SGCZ: variants seen among roughly 807,000 people sequenced by gnomAD.
The protein encoded by SGCZ is zeta-sarcoglycan.
In SGCZ, 40 loss-of-function variants were observed where a neutral mutation model predicts 41.3. The observed-to-expected ratio is 0.97, with a 90% CI of 0.75 to 1.26. The LOEUF (loss-of-function observed/expected upper bound fraction) is 1.26. SGCZ is among the 50% of genes most tolerant of loss of function. SGCZ has a pLI of 0.00. For synonymous variants in SGCZ, 206 were observed against 137.5 expected (o/e 1.50, Z -3.49); for missense variants, 552 against 369.8 (o/e 1.49, Z -4.04).
chr8:14,819,940 G>C (rs1419532609), intron 1 of SGCZ, among the ~76,000 whole-genome samples: 1 of 152,044 alleles, frequency 6.6e-6, no homozygotes, highest in African/African-American at 2.4e-5. Context: ...AACAGCCACA[G>C]AGTAAGAAAG....
At chr8:15,103,496 A>G (rs948488719) in intron 1 of SGCZ, among the ~76,000 whole-genome samples, 21 of 152,134 alleles carry the variant, frequency 1.4e-4, no homozygotes. Context: ...AAACAAATGG[A>G]AATAAAAAGA....
chr8:15,146,422 G>A (rs758998856), intron 1 of SGCZ, among the ~76,000 whole-genome samples: 8 of 152,140 alleles, frequency 5.3e-5, no homozygotes, highest in Non-Finnish European at 1.2e-4. Context: ...TTGGAGTGCA[G>A]TGGCTAACAG....
At chr8:14,359,297 C>T (rs1803417266) in intron 2 of SGCZ, among the ~76,000 whole-genome samples, 1 of 152,134 alleles carries the variant, frequency 6.6e-6, no homozygotes, top group Non-Finnish European at 1.5e-5. Flanking sequence ...CTTCAACACC[C>T]TGTGTTCACA....
intron 1 of SGCZ, among the ~76,000 whole-genome samples, chr8:14,977,870 A>G (rs1053212803): frequency 1.0e-4 from 14 of 138,448 alleles, no homozygotes; most frequent in Non-Finnish European, 1.5e-5. Context: ...TTTAAAATCA[A>G]GAACAATTTT....
At chr8:14,107,485 T>C (rs918626543) in intron 6 of SGCZ, among the ~76,000 whole-genome samples, 8 of 152,196 alleles carry the variant, frequency 5.3e-5, no homozygotes, top group African/African-American at 1.9e-4. Context: ...TCTGCCTTTG[T>C]CTGATTTGCT....
intron 1 of SGCZ, among the ~76,000 whole-genome samples, chr8:14,894,398 G>A (rs576907678): frequency 6.6e-6 from 1 of 152,198 alleles, no homozygotes; most frequent in South Asian, 2.1e-4. Context: ...TGTCAATGGT[G>A]CAAAGTGAAA....
intron 1 of SGCZ, among the ~76,000 whole-genome samples, chr8:14,850,749 G>A (rs916801495): frequency 2.0e-5 from 3 of 152,176 alleles, no homozygotes; most frequent in African/African-American, 2.4e-5. Context: ...GAATCATGGC[G>A]GCAGTTTCCC....
chr8:15,186,917 T>C (rs1800365635), intron 1 of SGCZ, among the ~76,000 whole-genome samples: 1 of 152,174 alleles, frequency 6.6e-6, no homozygotes, highest in Non-Finnish European at 1.5e-5. Flanking sequence ...GCAATGCCTC[T>C]GAATGCGTTT....
intron 3 of SGCZ, among the ~76,000 whole-genome samples, chr8:14,252,843 A>AT (rs1203370430): frequency 7.9e-5 from 12 of 151,918 alleles, no homozygotes; most frequent in Admixed American, 2.0e-4. Context: ...ATTTTCTACT[A>AT]TTTTTTCAAC....
At chr8:14,321,327 A>G (rs1801912293) in intron 3 of SGCZ, among the ~76,000 whole-genome samples, 1 of 152,032 alleles carries the variant, frequency 6.6e-6, no homozygotes, top group Non-Finnish European at 1.5e-5. Flanking sequence ...AAGCCTGAAG[A>G]AGGGTGTGAA....
At chr8:15,178,577 C>A (rs1285707959) in intron 1 of SGCZ, among the ~76,000 whole-genome samples, 3 of 152,174 alleles carry the variant, frequency 2.0e-5, no homozygotes, top group Non-Finnish European at 4.4e-5. Context: ...GTTGCTAACT[C>A]AGATGCAATG....
intron 4 of SGCZ, among the ~76,000 whole-genome samples, chr8:14,207,959 T>C (rs1241122786): frequency 6.6e-6 from 1 of 152,154 alleles, no homozygotes; most frequent in African/African-American, 2.4e-5. Context: ...TTCATTCCTC[T>C]AAATAAGGCA....
chr8:14,429,697 T>C (rs575173734), intron 2 of SGCZ, among the ~76,000 whole-genome samples: 15 of 152,276 alleles, frequency 9.9e-5, no homozygotes, highest in Admixed American at 5.9e-4. Context: ...TAATCGTCCT[T>C]AGAAGAAGAG....
intron 5 of SGCZ, among the ~76,000 whole-genome samples, chr8:14,142,885 T>C (rs1226200065): frequency 1.3e-5 from 2 of 152,044 alleles, no homozygotes; most frequent in Non-Finnish European, 2.9e-5. Flanking sequence ...CAGCCTCTCC[T>C]GTGCCTTCTC....
chr8:14,519,009 CA>C (rs1802709097), intron 2 of SGCZ, among the ~76,000 whole-genome samples: 1 of 147,276 alleles, frequency 6.8e-6, no homozygotes, highest in East Asian at 2.0e-4. Flanking sequence ...GCATAGTTTG[CA>C]GTGAGCCAAG....
At chr8:14,465,913 G>C (rs1000132062) in intron 2 of SGCZ, among the ~76,000 whole-genome samples, 51 of 151,642 alleles carry the variant, frequency 3.4e-4, no homozygotes, top group African/African-American at 1.1e-3. Context: ...ACAACACTAA[G>C]TTACAATAAC....
At chr8:14,994,546 T>G (rs1228387849) in intron 1 of SGCZ, among the ~76,000 whole-genome samples, 2 of 150,274 alleles carry the variant, frequency 1.3e-5, no homozygotes, top group African/African-American at 2.5e-5. Context: ...ATTGTGCCAC[T>G]GCACTCCAGC....
At chr8:14,598,403 A>G (rs1306502032) in intron 1 of SGCZ, among the ~76,000 whole-genome samples, 2 of 151,962 alleles carry the variant, frequency 1.3e-5, no homozygotes, top group Non-Finnish European at 2.9e-5. Context: ...GTTCCCTTCT[A>G]ATTTTATGTC....
At chr8:14,308,378 G>A (rs865862656) in intron 3 of SGCZ, among the ~76,000 whole-genome samples, 3 of 152,024 alleles carry the variant, frequency 2.0e-5, no homozygotes, top group African/African-American at 7.2e-5. Context: ...TTTGGATAGA[G>A]AACTATCTGC....
Sources: gnomAD v4.1 joint callset for allele counts (sites outside exome capture counted in the v4.1 genomes callset) on GRCh38, gnomAD v4.1.1 for gene constraint, MANE v1.5 for transcripts, NCBI Gene and HGNC (gene_info 2026-07-23, HGNC 2026-07-21) for gene names.